HDAC9: variants seen among roughly 807,000 people sequenced by gnomAD.
HDAC9 encodes the protein MEF-2 interacting transcription repressor (MITR) protein.
HDAC9 carries 41 observed loss-of-function variants against 139.4 expected under a neutral mutation model. That is an observed-to-expected ratio of 0.29 (90% confidence interval 0.23 to 0.38). HDAC9 has a LOEUF of 0.38. Ranked by LOEUF, HDAC9 falls within the 10% of genes least tolerant of loss-of-function variation. HDAC9 has a pLI of 1.00. For missense variants in HDAC9, 1,147 were observed against 1,297.0 expected, an observed-to-expected ratio of 0.88 and a Z score of 1.78; for synonymous variants, 517 against 476.2, an observed-to-expected ratio of 1.09 and a Z score of -1.12.
At chr7:18,415,254 C>T (rs1323032565) in intron 1 of HDAC9, among the ~76,000 whole-genome samples, 2 of 152,200 alleles carry the variant, frequency 1.3e-5, no homozygotes, top group Admixed American at 6.5e-5. Flanking sequence ...ATGTGTTTTT[C>T]TGTGTAAACT....
At chr7:18,292,377 G>A (rs779355528) in intron 1 of HDAC9, among the ~76,000 whole-genome samples, 1 of 152,046 alleles carries the variant, frequency 6.6e-6, no homozygotes, top group Non-Finnish European at 1.5e-5. Flanking sequence ...ATGTGCACTC[G>A]AAATGCATCC....
intron 6 of HDAC9, among the ~76,000 whole-genome samples, chr7:18,625,445 G>A (rs1183952419): frequency 6.6e-6 from 1 of 152,090 alleles, no homozygotes; most frequent in African/African-American, 2.4e-5. Context: ...TTTGTCATGG[G>A]ATGCTGTCCT....
intron 12 of HDAC9, among the ~76,000 whole-genome samples, chr7:18,706,622 C>T (rs949226324): frequency 3.3e-5 from 5 of 152,174 alleles, no homozygotes; most frequent in African/African-American, 1.2e-4. Context: ...CCTGGGAGGA[C>T]TTTGTCCTGA....
chr7:18,869,384 T>A (rs1798742299), intron 21 of HDAC9, among the ~76,000 whole-genome samples: 1 of 151,988 alleles, frequency 6.6e-6, no homozygotes, highest in Non-Finnish European at 1.5e-5. Flanking sequence ...GAAATCTGGT[T>A]GTTTAAAAGT....
Position 18,367,422 on chromosome 7 carries a change from A to G in HDAC9, c.-42+76907A>G, listed in dbSNP as rs555605139. 2.8e-4 allele frequency among the ~76,000 whole-genome samples: 42 copies of G among 152,258 alleles called. No individual in the cohort carries two copies. The South Asian group carries it at 6.8e-3, about 25-fold the overall frequency. ...ATTTGAACGTGATAAAAATTGGTAA[A>G]GACTCTGTAGAAACCAAACAGAATA... On this transcript the variant is annotated intron_variant, in intron 1 of 3. Transcript: ENST00000413509.
intron 2 of HDAC9, among the ~76,000 whole-genome samples, chr7:18,525,263 T>C (rs1295464966): frequency 6.6e-6 from 1 of 151,984 alleles, no homozygotes; most frequent in Non-Finnish European, 1.5e-5. Context: ...GATATAACAC[T>C]AGAACAAATA....
At chr7:18,964,962 G>T (rs1258830471) in intron 24 of HDAC9, among the ~76,000 whole-genome samples, 1 of 152,228 alleles carries the variant, frequency 6.6e-6, no homozygotes, top group Non-Finnish European at 1.5e-5. Context: ...GGTTTCCCAT[G>T]TAGGGAAATT....
At chr7:18,667,186 T>A (rs952552433) in intron 12 of HDAC9, 30 of 985,248 alleles carry the variant, frequency 3.0e-5, no homozygotes, top group South Asian at 9.4e-5. Context: ...TTTACTTTTA[T>A]TTTGTGTAAT....
chr7:18,820,383 C>G (rs897358205), intron 17 of HDAC9, among the ~76,000 whole-genome samples: 1 of 152,124 alleles, frequency 6.6e-6, no homozygotes, highest in Non-Finnish European at 1.5e-5. Flanking sequence ...TTAGGAGACT[C>G]AGAATTCGGT....
At chr7:18,331,724 G>A (rs562243820) in intron 1 of HDAC9, among the ~76,000 whole-genome samples, 3 of 151,548 alleles carry the variant, frequency 2.0e-5, no homozygotes, top group Admixed American at 6.6e-5. Context: ...TACCTTATTC[G>A]AGGTGATGAA....
At chr7:18,268,659 A>C (rs1035593892) in intron 2 of HDAC9, among the ~76,000 whole-genome samples, 1 of 152,186 alleles carries the variant, frequency 6.6e-6, no homozygotes, top group Non-Finnish European at 1.5e-5. Flanking sequence ...GTTTGAGTTA[A>C]TAGTATTCAT....
chr7:18,133,684 G>T (rs1584242065), intron 1 of HDAC9, among the ~76,000 whole-genome samples: 1 of 151,984 alleles, frequency 6.6e-6, no homozygotes, highest in South Asian at 2.1e-4. Flanking sequence ...ATTTAAAATG[G>T]CACTTGAGAC....
Position 18,593,948 on chromosome 7 carries a change from C to G in HDAC9, c.583C>G (p.Leu195Val). The G allele has an allele frequency of 6.2e-7, 1 of 1,612,672 alleles. No individual in the cohort carries two copies. Among genetic ancestry groups the G allele is most frequent in the Non-Finnish European group, 8.5e-7 (1 of 1,178,878 alleles). ...HTSLDQSSPPLSGTSPSYKYT... is the reference protein window; with the variant it reads ...HTSLDQSSPPVSGTSPSYKYT... ...ATCATTGGATCAAAGCTCTCCACCC[C>G]TTAGTGGAACATCTCCATCCTACAA... The change falls in exon 6 of 26, where the codon CTT becomes GTT. Residue 195 changes from leucine to valine, a missense_variant. By Grantham distance (32) the Leu-to-Val change is conservative. Around this residue, in one of 7 missense-constraint regions of HDAC9, gnomAD observed 79 missense variants for 65.8 expected, o/e 1.20. Transcript: ENST00000686413.
intron 17 of HDAC9, among the ~76,000 whole-genome samples, chr7:18,828,323 T>G (rs1455315613): frequency 6.6e-6 from 1 of 152,208 alleles, no homozygotes. Context: ...GTGAACCATG[T>G]GATAAATGAT....
At chr7:18,342,682 A>G (rs1437759869) in intron 1 of HDAC9, among the ~76,000 whole-genome samples, 2 of 151,854 alleles carry the variant, frequency 1.3e-5, no homozygotes, top group Admixed American at 6.6e-5. Flanking sequence ...TACTGATGTA[A>G]TGGTATAAAT....
At chr7:18,671,680 C>A (rs10241929) in intron 12 of HDAC9, among the ~76,000 whole-genome samples, 1,726 of 152,020 alleles carry the variant, frequency 0.011, 39 homozygotes, top group African/African-American at 0.039. Context: ...CTTCCATTAA[C>A]CCCAACTCAA....
intron 1 of HDAC9, among the ~76,000 whole-genome samples, chr7:18,353,308 C>T (rs1782997624): frequency 6.6e-6 from 1 of 151,710 alleles, no homozygotes. Flanking sequence ...GAGCTTTCAG[C>T]AGGGGGATAC....
chr7:18,526,687 A>C (rs1586682835), intron 2 of HDAC9, among the ~76,000 whole-genome samples: 1 of 152,176 alleles, frequency 6.6e-6, no homozygotes, highest in African/African-American at 2.4e-5. Context: ...CCTTCAATTA[A>C]CTGCACCAGT....
intron 13 of HDAC9, among the ~76,000 whole-genome samples, chr7:18,740,904 A>G (rs1225881257): frequency 2.0e-5 from 3 of 152,226 alleles, no homozygotes; most frequent in Admixed American, 6.5e-5. Flanking sequence ...GTCTTGGTAG[A>G]TCAAACCAGC....
Sources: allele counts gnomAD v4.1 joint callset (sites outside exome capture counted in the v4.1 genomes callset), GRCh38; gene constraint gnomAD v4.1.1; regional missense constraint gnomAD v4.1.1; transcripts MANE v1.5; gene names NCBI Gene and HGNC (gene_info 2026-07-23, HGNC 2026-07-21).